The following COQ10A variants were observed in gnomAD, a reference collection of about 807,000 sequenced individuals.
COQ10A encodes coenzyme Q-binding protein COQ10 homolog A, mitochondrial.
A neutral mutation model predicts 26.1 loss-of-function variants in COQ10A; 25 were observed. That is an observed-to-expected ratio of 0.96 (90% confidence interval 0.70 to 1.34). The LOEUF (loss-of-function observed/expected upper bound fraction) is 1.34. Among genes scored for constraint, COQ10A ranks in the 40% most tolerant of loss-of-function variants. The pLI is 0.00. For synonymous variants in COQ10A, 132 were observed against 124.0 expected (o/e 1.06, Z -0.43); for missense variants, 312 against 335.4 (o/e 0.93, Z 0.54).
chr12:56,267,651 A>C, intron 1 of COQ10A, 143 bp from the exon 2 acceptor site: 1 of 1,273,910 alleles, frequency 7.8e-7, no homozygotes, highest in Non-Finnish European at 1.1e-6. Context: ...GGCCAGAGAG[A>C]GCCTAGCGGG....
Position 56,270,111 on chromosome 12 carries a change from T to C in COQ10A, c.577-39T>C, listed in dbSNP as rs1478077850. The C allele has an allele frequency of 4.4e-6, 7 of 1,594,292 alleles. No individual in the cohort carries two copies. In the African/African-American group the frequency reaches 6.7e-5, roughly 15 times the overall value. ...GCATTTGGCCAGGGACTATCCAACA[T>C]GGTCTGGAAGTTTCTGACTGTCTCT... On this transcript the variant is annotated intron_variant, in intron 4 of 4. Transcript: ENST00000308197.
chr12:56,269,553 G>T lies in COQ10A; in HGVS notation c.568G>T (p.Asp190Tyr), dbSNP rs763171733. 1.9e-6 allele frequency: 3 copies of T among 1,612,226 alleles called. No individual in the cohort carries two copies. Among genetic ancestry groups the T allele is most frequent in the Non-Finnish European group, 2.5e-6 (3 of 1,178,352 alleles). ...TGCCTATCCTCGAACCTGCACTGTG[G>T]ACTTTTCGGTGAGTCAGGAGGTTGT... ...IPAYPRTCTV[D>Y]FSISFEFRSL... Residue 190 changes from aspartate (D) to tyrosine (Y), a missense_variant, in exon 4 of 5, where the codon GAC (aspartate) becomes TAC (tyrosine). Physicochemically the swap from Asp to Tyr is radical, Grantham distance 160. Transcript: ENST00000308197.
chr12:56,268,946 T>C (rs1872426710), intron 2 of COQ10A, 113 bp from the exon 3 acceptor site: 2 of 767,512 alleles, frequency 2.6e-6, no homozygotes, highest in Non-Finnish European at 4.4e-6. Flanking sequence ...ATTTGGGATC[T>C]GTAGTTCCTG....
chr12:56,268,018 ATCATCGG>A, intron 2 of COQ10A, 78 bp downstream of exon 2: 2 of 1,556,618 alleles, frequency 1.3e-6, no homozygotes, highest in Non-Finnish European at 1.7e-6. Context: ...ATGTCAGGGT[ATCATCGG>A]TGGGCAAGAT....
chr12:56,270,103 AT>A (rs762332292), intron 4 of COQ10A, 46 bp from the exon 5 acceptor site: 1 of 1,582,446 alleles, frequency 6.3e-7, no homozygotes, highest in Admixed American at 1.7e-5. Flanking sequence ...GCCAGGGACT[AT>A]CCAACATGGT....
chr12:56,268,191 C>T (rs1872407759), intron 2 of COQ10A: 1 of 514,704 alleles, frequency 1.9e-6, no homozygotes. Flanking sequence ...CAGGGCGTAG[C>T]TGGGTGCGGT....
Position 56,270,382 on chromosome 12 carries a change from G to A in COQ10A, c.*65G>A. The A allele has an allele frequency of 6.6e-7, 1 of 1,515,406 alleles. No homozygotes were observed. Among genetic ancestry groups the A allele is most frequent in the Non-Finnish European group, 9.0e-7 (1 of 1,113,052 alleles). 93.9% of individuals were successfully genotyped at this position (1,515,406 alleles called of 1,614,324 possible). A position where few individuals can be genotyped will look rare whatever the true frequency, so the allele number is the denominator to read the frequency against. The stretch of plus-strand genomic sequence containing the variant: ...CCCTACACAATTCTCTTATTTATTT[G>A]GTTTGGCTCCTGTTCCAATTTGAAA... On this transcript the variant is annotated 3_prime_UTR_variant, in exon 5 of 5. Coordinates refer to ENST00000308197, the MANE Select transcript of COQ10A (RefSeq NM_144576.4).
At chr12:56,270,019 G>C in intron 4 of COQ10A, 131 bp from the exon 5 acceptor site, 1 of 853,678 alleles carries the variant, frequency 1.2e-6, no homozygotes, top group East Asian at 2.4e-5. Context: ...TCCCAAGTTA[G>C]GGCTCTTACG....
At chr12:56,267,669 A>G (rs1324000911) in intron 1 of COQ10A, 125 bp from the exon 2 acceptor site, 5 of 1,355,344 alleles carry the variant, frequency 3.7e-6, no homozygotes, top group South Asian at 2.3e-5. Flanking sequence ...GGGCTGCAGC[A>G]GGTGCTGGGG....
At chr12:56,268,067 A>G (rs1209657238) in intron 2 of COQ10A, 127 bp downstream of exon 2, 2 of 1,183,626 alleles carry the variant, frequency 1.7e-6, no homozygotes, top group Non-Finnish European at 2.4e-6. Flanking sequence ...CCCAGCTACA[A>G]TACTGATCCT....
Position 56,270,949 on chromosome 12 carries a change from A to C in COQ10A, c.*632A>C, listed in dbSNP as rs1872502391. The stretch of plus-strand genomic sequence containing the variant: ...GCCTGAGTTTTTATAAAATTTCAAT[A>C]AATTGTGACAGTGTGAATTTGGCTT... On this transcript the variant is annotated 3_prime_UTR_variant, in exon 5 of 5. Transcript: ENST00000308197. 6.6e-6 allele frequency: 1 copy of C among 152,190 alleles called. No homozygotes were observed. Among genetic ancestry groups the C allele is most frequent in the African/African-American group, 2.4e-5 (1 of 41,444 alleles). 9.4% of individuals were successfully genotyped at this position (152,190 alleles called of 1,614,324 possible). A position where few individuals can be genotyped will look rare whatever the true frequency, so the allele number is the denominator to read the frequency against.
rs907032677 is a variant in COQ10A, at chr12:56,269,884, C to T, written c.577-266C>T. On this transcript the variant is annotated intron_variant, in intron 4 of 4. Coordinates refer to ENST00000308197, the MANE Select transcript of COQ10A (RefSeq NM_144576.4). Reference sequence around the variant, plus strand: ...TCAGGTGATCCGTCCGCCTTGGCCTCCCAAAGTGCTGGGATTACAGGCGTG... The same window carrying T: ...TCAGGTGATCCGTCCGCCTTGGCCTTCCAAAGTGCTGGGATTACAGGCGTG... 6 of 532,206 alleles carry T rather than the reference C, an allele frequency of 1.1e-5. No individual in the cohort carries two copies. In the Admixed American group the frequency reaches 1.6e-4, roughly 14 times the overall value. 33.0% of individuals were successfully genotyped at this position (532,206 alleles called of 1,614,324 possible). A position where few individuals can be genotyped will look rare whatever the true frequency, so the allele number is the denominator to read the frequency against.
In COQ10A at chr12:56,267,993, C is replaced by A. The variant is rs967472092; in HGVS notation, c.281+53C>A. ...CACCTCCCTTTTCCCTCCAAATAAC[C>A]CTGTCCAGGCAAGAATGTCAGGGTA... is the stretch of plus-strand genomic sequence containing the variant. On this transcript the variant is annotated intron_variant, in intron 2 of 4. Transcript: ENST00000308197. The A allele has an allele frequency of 1.9e-6, 3 of 1,600,518 alleles. No homozygotes were observed. The African/African-American group carries it at 4.0e-5, about 21-fold the overall frequency.
rs767537840 is a variant in COQ10A, at chr12:56,269,486, C to A, written c.501C>A (p.Phe167Leu). ...VKAVCTDGKL[F>L]NHLETIWRFS... ...CTGTTTGTACTGATGGCAAGCTCTT[C>A]AACCACTTAGAGACTATTTGGCGAT... Residue 167 changes from phenylalanine to leucine, a missense_variant, in exon 4 of 5, where the codon TTC (phenylalanine) becomes TTA (leucine). Physicochemically the swap from Phe to Leu is conservative, Grantham distance 22. Transcript: ENST00000308197. 1.7e-5 allele frequency: 27 copies of A among 1,614,026 alleles called. No homozygotes were observed. In the South Asian group the frequency reaches 3.0e-4, roughly 18 times the overall value.
At position 56,267,948 on chromosome 12, in the gene COQ10A, T is replaced by A; in HGVS notation, c.281+8T>A. On this transcript the variant is annotated splice_region_variant and intron_variant, in intron 2 of 4. Coordinates refer to ENST00000308197, the MANE Select transcript of COQ10A (RefSeq NM_144576.4). Reference sequence around the variant, plus strand: ...GGAGCGTAGAATCATGGGGTAAGCATTCTCTGCCTTGCATCCTTGCACCTC... The same window carrying A: ...GGAGCGTAGAATCATGGGGTAAGCAATCTCTGCCTTGCATCCTTGCACCTC... The A allele has an allele frequency of 6.2e-7, 1 of 1,613,988 alleles. No individual in the cohort carries two copies. The highest frequency in any genetic ancestry group is 2.2e-5 in the East Asian group (1 of 44,874).
In COQ10A at chr12:56,267,825, C is replaced by A; in HGVS notation, c.166C>A (p.Arg56=). The A allele has an allele frequency of 6.2e-7, 1 of 1,614,204 alleles. No individual in the cohort carries two copies. The highest frequency in any genetic ancestry group is 1.1e-5 in the South Asian group (1 of 91,082). Reference sequence around the variant, plus strand: ...GACCTCCTGCAGCCTCCTCTTGCCTCGGGCTGCCCAGATCTTGGCGGCTGA... The same window carrying A: ...GACCTCCTGCAGCCTCCTCTTGCCTAGGGCTGCCCAGATCTTGGCGGCTGA... ...FLTSCSLLLP[R]AAQILAAEAG... is the part of the protein sequence containing the mutation. Residue 56 remains arginine, a synonymous_variant, in exon 2 of 5, where the codon CGG becomes AGG. Transcript: ENST00000308197.
In COQ10A at chr12:56,267,197, C is replaced by A; in HGVS notation, c.79C>A (p.Pro27Thr). The change falls in exon 1 of 5, where the codon CCG (proline) becomes ACG (threonine). Residue 27 changes from proline to threonine, a missense_variant. Physicochemically the swap from Pro to Thr is conservative, Grantham distance 38. Coordinates refer to ENST00000308197, the MANE Select transcript of COQ10A (RefSeq NM_144576.4). ...GCGCTGCTGCCGGCTCTCGCTCAGC[C>A]CGGGCGCGCAACCGGCCCCGCCCCC... ...AERCCRLSLS[P>T]GAQPAPPPGP... 1.4e-6 allele frequency: 2 copies of A among 1,407,986 alleles called. No individual in the cohort carries two copies. The highest frequency in any genetic ancestry group is 3.1e-5 in the Admixed American group (1 of 31,750). 87.2% of individuals were successfully genotyped at this position (1,407,986 alleles called of 1,614,324 possible). A position where few individuals can be genotyped will look rare whatever the true frequency, so the allele number is the denominator to read the frequency against.
intron 2 of COQ10A, chr12:56,268,811 A>C (rs1459179548): frequency 2.2e-6 from 1 of 447,868 alleles, no homozygotes; most frequent in Non-Finnish European, 4.0e-6. Flanking sequence ...TGTTCTCCCT[A>C]GATGGTCCCT....
rs757452221 is a variant in COQ10A at position 56,267,749 on chromosome 12, A to T, written c.135-45A>T. 7.4e-6 allele frequency: 12 copies of T among 1,613,064 alleles called. No individual in the cohort carries two copies. The East Asian group carries it at 2.0e-4, about 27-fold the overall frequency. ...CTCCTTCACCTACAAATGATAGAGG[A>T]TTACGAAGAACTATACGGTTGGCTC... On this transcript the variant is annotated intron_variant, in intron 1 of 4. Transcript: ENST00000308197.
Sources: allele counts gnomAD v4.1 joint callset, GRCh38; gene constraint gnomAD v4.1.1; transcripts MANE v1.5; gene names NCBI Gene and HGNC (gene_info 2026-07-23, HGNC 2026-07-21).